The following HSD17B6 variants were observed in gnomAD, a reference collection of about 807,000 sequenced individuals.
HSD17B6 encodes the protein hydroxysteroid 17-beta dehydrogenase 6.
A neutral mutation model predicts 26.4 loss-of-function variants in HSD17B6; 16 were observed. The observed-to-expected ratio is 0.61, with a 90% CI of 0.41 to 0.92. The LOEUF is 0.92. HSD17B6 is among the 40% of genes least tolerant of loss of function. The pLI is 0.00. For missense variants in HSD17B6, 357 were observed against 386.1 expected, an observed-to-expected ratio of 0.92 and a Z score of 0.63; for synonymous variants, 139 against 153.0, an observed-to-expected ratio of 0.91 and a Z score of 0.68.
chr12:56,768,897 C>T (rs1422071064), intron 1 of HSD17B6, among the ~76,000 whole-genome samples: 1 of 151,850 alleles, frequency 6.6e-6, no homozygotes, highest in African/African-American at 2.4e-5. Flanking sequence ...CTTTGGGGTG[C>T]TAGTGAAGCA....
At position 56,773,996 on chromosome 12, in the gene HSD17B6, G is replaced by C. The variant is rs2137908667; in HGVS notation, c.144G>C (p.Gln48His). ...GCTTTGGGAACCTGCTGGCCAGACA[G>C]CTGGATGCACGAGGCTTGAGAGTGC... Reference protein sequence around the residue: ...DSGFGNLLARQLDARGLRVLA... With the variant: ...DSGFGNLLARHLDARGLRVLA... The change falls in exon 2 of 5, where the codon CAG becomes CAC. Residue 48 changes from glutamine to histidine, a missense_variant. By Grantham distance (24) the Gln-to-His change is conservative (BLOSUM62 0). Transcript: ENST00000322165. 6.2e-7 allele frequency: 1 copy of C among 1,614,170 alleles called. No homozygotes were observed. The highest frequency in any genetic ancestry group is 1.7e-5 in the Admixed American group (1 of 60,016).
chr12:56,786,693 TAAAC>T (rs1450730110), intron 4 of HSD17B6, among the ~76,000 whole-genome samples: 3 of 152,002 alleles, frequency 2.0e-5, no homozygotes, highest in African/African-American at 4.8e-5. Flanking sequence ...CTACAAAAAA[TAAAC>T]AAAATTAGCT....
chr12:56,781,930 T>C (rs1392406904), intron 2 of HSD17B6, 44 bp from the exon 3 acceptor site: 4 of 1,590,956 alleles, frequency 2.5e-6, no homozygotes, highest in Non-Finnish European at 3.4e-6. Context: ...ATAGAGTATT[T>C]TTGCCTGAAA....
intron 1 of HSD17B6, among the ~76,000 whole-genome samples, chr12:56,765,818 T>C (rs113708029): frequency 5.3e-5 from 8 of 152,206 alleles, no homozygotes; most frequent in Middle Eastern, 3.4e-3. Context: ...CATGATTCTA[T>C]ACTATCCACA....
chr12:56,785,494 C>T (rs1427328010), intron 4 of HSD17B6, among the ~76,000 whole-genome samples: 3 of 152,304 alleles, frequency 2.0e-5, no homozygotes, highest in East Asian at 3.9e-4. Flanking sequence ...AAAGCATTCC[C>T]AGAACAGAAG....
intron 2 of HSD17B6, among the ~76,000 whole-genome samples, chr12:56,780,858 A>C (rs1203167322): frequency 6.6e-6 from 1 of 151,698 alleles, no homozygotes; most frequent in African/African-American, 2.4e-5. Context: ...AAAAAAAAAA[A>C]AAAAAATTCT....
intron 4 of HSD17B6, 72 bp downstream of exon 4, chr12:56,785,088 T>C: frequency 7.1e-7 from 1 of 1,400,364 alleles, no homozygotes; most frequent in Non-Finnish European, 9.7e-7. Context: ...TATGAAGAAA[T>C]AACTGAGACT....
At position 56,764,088 on chromosome 12, in the gene HSD17B6, A is replaced by G. The variant is rs1282423569; in HGVS notation, c.-20+674A>G. 3.7e-4 allele frequency among the ~76,000 whole-genome samples: 55 copies of G among 148,736 alleles called. No homozygotes were observed. In the Middle Eastern group the frequency reaches 0.014, roughly 37 times the overall value. On this transcript the variant is annotated intron_variant, in intron 1 of 4. Transcript: ENST00000322165. ...TGTCTCAAAAAAAAAAAAAAAAAAAAAAGAAGAAAGAAAAAAAGAAAAAAA... is the reference window on the plus strand; with the variant it reads ...TGTCTCAAAAAAAAAAAAAAAAAAAGAAGAAGAAAGAAAAAAAGAAAAAAA...
At chr12:56,786,656 C>G (rs976893696) in intron 4 of HSD17B6, among the ~76,000 whole-genome samples, 1 of 152,110 alleles carries the variant, frequency 6.6e-6, no homozygotes. Context: ...TCAAGACCAG[C>G]CTGGGCAACA....
chr12:56,787,353 G>A lies in HSD17B6; in HGVS notation c.*11G>A. ...GCCCAGGCAGTCTAAAGAAAACTGG[G>A]TTGGTGCTTCTTGGAATGAAGGCAA... On this transcript the variant is annotated 3_prime_UTR_variant, in exon 5 of 5. Transcript: ENST00000322165. 6.3e-7 allele frequency: 1 copy of A among 1,589,646 alleles called. No homozygotes were observed. The highest frequency in any genetic ancestry group is 1.3e-5 in the African/African-American group (1 of 74,478).
At chr12:56,779,016 G>T (rs1338313953) in intron 2 of HSD17B6, among the ~76,000 whole-genome samples, 1 of 151,874 alleles carries the variant, frequency 6.6e-6, no homozygotes, top group Non-Finnish European at 1.5e-5. Context: ...CAACTTTTCT[G>T]TGTCTCTGTA....
At chr12:56,783,260 C>CG (rs1315585586) in intron 3 of HSD17B6, among the ~76,000 whole-genome samples, 2 of 149,934 alleles carry the variant, frequency 1.3e-5, no homozygotes, top group Non-Finnish European at 3.0e-5. Flanking sequence ...GGTGGCCGGG[C>CG]GGGGGGCTGA....
chr12:56,764,107 A>T (rs1391929985), intron 1 of HSD17B6, among the ~76,000 whole-genome samples: 1 of 147,688 alleles, frequency 6.8e-6, no homozygotes, highest in African/African-American at 2.5e-5. Flanking sequence ...AGAAAAAAAG[A>T]AAAAAAAAAG....
In HSD17B6 at chr12:56,787,668, G is replaced by T. The variant is rs1004799459; in HGVS notation, c.*326G>T. ...CATTTCTTTATGAATATGAATAATT[G>T]TTCTATGCTTTAATAATCTATTGTG... On this transcript the variant is annotated 3_prime_UTR_variant, in exon 5 of 5. Coordinates refer to ENST00000322165, the MANE Select transcript of HSD17B6 (RefSeq NM_003725.4). The T allele has an allele frequency of 3.9e-6, 1 of 258,932 alleles. No individual in the cohort carries two copies. Among genetic ancestry groups the T allele is most frequent in the Non-Finnish European group, 7.4e-6 (1 of 134,564 alleles). 16.0% of individuals were successfully genotyped at this position (258,932 alleles called of 1,614,324 possible). A position where few individuals can be genotyped will look rare whatever the true frequency, so the allele number is the denominator to read the frequency against.
chr12:56,773,832 A>G lies in HSD17B6; in HGVS notation c.-19-2A>G. The G allele has an allele frequency of 6.6e-7, 1 of 1,518,912 alleles. No individual in the cohort carries two copies. The highest frequency in any genetic ancestry group is 1.4e-5 in the African/African-American group (1 of 71,856). The allele number at this position is 1,518,912 out of a possible 1,614,324, so 94.1% of individuals were successfully genotyped here. A position where few individuals can be genotyped will look rare whatever the true frequency, so the allele number is the denominator to read the frequency against. On this transcript the variant is annotated splice_acceptor_variant, in intron 1 of 4. Transcript: ENST00000322165. LOFTEE classifies it low-confidence loss of function (5UTR_SPLICE). ...AATAAAATGTTTTCTTTCTATTGAA[A>G]GAGAAGGAAGCACCCTCACTATGTG...
In HSD17B6 at chr12:56,787,552, T is replaced by C; in HGVS notation, c.*210T>C. The C allele has an allele frequency of 1.8e-6, 1 of 543,724 alleles. No individual in the cohort carries two copies. Among genetic ancestry groups the C allele is most frequent in the Non-Finnish European group, 3.3e-6 (1 of 307,092 alleles). 33.7% of individuals were successfully genotyped at this position (543,724 alleles called of 1,614,324 possible). A position where few individuals can be genotyped will look rare whatever the true frequency, so the allele number is the denominator to read the frequency against. ...TGATGAATCTTTACTATTTTAGCCC[T>C]TTTTTGATGAGACTATTTGTCTAAA... On this transcript the variant is annotated 3_prime_UTR_variant, in exon 5 of 5. Coordinates refer to ENST00000322165, the MANE Select transcript of HSD17B6 (RefSeq NM_003725.4).
intron 1 of HSD17B6, among the ~76,000 whole-genome samples, chr12:56,767,941 A>G (rs1239856187): frequency 2.0e-5 from 3 of 151,254 alleles, no homozygotes; most frequent in African/African-American, 7.3e-5. Context: ...ACACACATAT[A>G]TATGTGTGAA....
In HSD17B6 at chr12:56,784,964, A is replaced by G. The variant is rs2137934912; in HGVS notation, c.684A>G (p.Lys228=). The change falls in exon 4 of 5, where the codon AAA becomes AAG. Residue 228 remains lysine, a synonymous_variant. Transcript: ENST00000322165. ...QSLERMKQSW[K]EAPKHIKETY... ...TAGAGCGAATGAAGCAAAGTTGGAAAGAAGCCCCCAAGCATATTAAGGAGA... is the reference window on the plus strand; with the variant it reads ...TAGAGCGAATGAAGCAAAGTTGGAAGGAAGCCCCCAAGCATATTAAGGAGA... 1.9e-6 allele frequency: 3 copies of G among 1,614,166 alleles called. No homozygotes were observed. Among genetic ancestry groups the G allele is most frequent in the Non-Finnish European group, 2.5e-6 (3 of 1,180,030 alleles).
chr12:56,769,576 T>C (rs1954425449), intron 1 of HSD17B6, among the ~76,000 whole-genome samples: 1 of 152,140 alleles, frequency 6.6e-6, no homozygotes. Context: ...TAGCATAGTG[T>C]AGATGAGAAA....
Sources: gnomAD v4.1 joint callset for allele counts (sites outside exome capture counted in the v4.1 genomes callset) on GRCh38, gnomAD v4.1.1 for gene constraint, MANE v1.5 for transcripts, NCBI Gene and HGNC (gene_info 2026-07-23, HGNC 2026-07-21) for gene names.